Variants in NDUFA11 observed in about 807,000 individuals in gnomAD.
NDUFA11 encodes NADH dehydrogenase [ubiquinone] 1 alpha subcomplex subunit 11.
Under a neutral mutation model 11.3 loss-of-function variants are expected in NDUFA11, and 14 were observed. The ratio of observed to expected loss-of-function variants is 1.24; its 90% CI spans 0.82 to 1.94. The LOEUF is 1.94. NDUFA11 is among the 30% of genes most tolerant of loss of function. The probability of loss-of-function intolerance (pLI) is 0.00; values close to 1 mark genes in which losing one functional copy is unlikely to be tolerated. For synonymous variants in NDUFA11, 87 were observed against 85.6 expected, an observed-to-expected ratio of 1.02 and a Z score of -0.09; for missense variants, 204 against 200.3, an observed-to-expected ratio of 1.02 and a Z score of -0.11.
intron 1 of NDUFA11, among the ~76,000 whole-genome samples, chr19:5,903,036 G>C (rs181957448): frequency 4.6e-3 from 661 of 144,782 alleles, no homozygotes; most frequent in Non-Finnish European, 7.0e-3. Context: ...AAAGGAGAAT[G>C]CCAGGGCTTG....
intron 3 of NDUFA11, 79 bp from the exon 4 acceptor site, chr19:5,894,933 AC>A: frequency 6.8e-7 from 1 of 1,478,984 alleles, no homozygotes; most frequent in Non-Finnish European, 9.1e-7. Context: ...GCCGGTGCCC[AC>A]CCTGGGAGCC....
downstream of NDUFA11, chr19:5,892,777 G>T (rs1275213424): frequency 3.5e-6 from 4 of 1,152,592 alleles, no homozygotes; most frequent in Middle Eastern, 2.1e-4. Context: ...TGCGATGCCC[G>T]TGAGTGGATG....
At chr19:5,894,137 A>AG (rs2144946088), downstream of NDUFA11, among the ~76,000 whole-genome samples, 1 of 152,300 alleles carries the variant, frequency 6.6e-6, no homozygotes, top group East Asian at 1.9e-4. Context: ...CCAGGTGCTG[A>AG]GGGGGGTCCT....
chr19:5,902,873 C>G (rs995882773), intron 1 of NDUFA11, among the ~76,000 whole-genome samples: 1 of 151,924 alleles, frequency 6.6e-6, no homozygotes, highest in South Asian at 2.1e-4. Context: ...TAGCCAGGCG[C>G]GGTGGCGTGA....
intron 3 of NDUFA11, 42 bp from the exon 4 acceptor site, chr19:5,894,896 G>C (rs751169377): frequency 6.4e-7 from 1 of 1,552,870 alleles, no homozygotes; most frequent in East Asian, 2.4e-5. Flanking sequence ...GGTGGGGCTC[G>C]GCCGGACCAA....
downstream of NDUFA11, among the ~76,000 whole-genome samples, chr19:5,894,480 C>CT (rs1428785493): frequency 6.6e-6 from 1 of 152,324 alleles, no homozygotes; most frequent in Non-Finnish European, 1.5e-5. Context: ...GCCGTCTCCC[C>CT]TCCTGGGCTC....
At position 5,894,710 on chromosome 19, in the gene NDUFA11, C is replaced by G; in HGVS notation, c.*32G>C. The G allele has an allele frequency of 1.2e-6, 2 of 1,608,112 alleles. No homozygotes were observed. The highest frequency in any genetic ancestry group is 1.7e-6 in the Non-Finnish European group (2 of 1,177,350). ...CACAGAATTTATTTCTGGACGCATT[C>G]TGCAGGCTGGAGGTCCCGGCAGGCA... On this transcript the variant is annotated 3_prime_UTR_variant, in exon 4 of 4. Transcript: ENST00000308961.
chr19:5,895,299 C>A lies in NDUFA11; in HGVS notation c.314-445G>T, dbSNP rs78396282. On this transcript the variant is annotated intron_variant, in intron 3 of 3. Coordinates refer to ENST00000308961, the MANE Select transcript of NDUFA11 (RefSeq NM_175614.5). ...GCCCCCACTTCTCCAGGCTCTCCTG[C>A]TCCGAAGCCTCCGGGCCAGAGGAGG... 1.8e-3 allele frequency: 317 copies of A among 179,150 alleles called. 9 individuals carry two copies. The East Asian group carries it at 0.042, about 24-fold the overall frequency. The allele number at this position is 179,150 out of a possible 1,614,324, so 11.1% of individuals were successfully genotyped here. A position where few individuals can be genotyped will look rare whatever the true frequency, so the allele number is the denominator to read the frequency against.
chr19:5,903,491 G>A (rs2057658661), intron 1 of NDUFA11, 121 bp downstream of exon 1: 2 of 943,606 alleles, frequency 2.1e-6, no homozygotes, highest in African/African-American at 1.7e-5. Context: ...AAGACACCCC[G>A]ATGACAACCA....
At chr19:5,893,035 C>T, downstream of NDUFA11, 2 of 1,535,352 alleles carry the variant, frequency 1.3e-6, no homozygotes, top group Non-Finnish European at 1.7e-6. The surrounding 1 kb of genome is among the most constrained non-coding windows in gnomAD (Gnocchi z 4.1). Context: ...TCTCAGGGAG[C>T]CCGAGGCCCG....
chr19:5,898,695 G>A (rs2057625482), intron 1 of NDUFA11, among the ~76,000 whole-genome samples: 1 of 151,984 alleles, frequency 6.6e-6, no homozygotes, highest in Admixed American at 6.6e-5. Flanking sequence ...CCGACATGGT[G>A]AAATCCCTTC....
At chr19:5,900,338 C>T (rs1175253815) in intron 1 of NDUFA11, among the ~76,000 whole-genome samples, 1 of 152,228 alleles carries the variant, frequency 6.6e-6, no homozygotes, top group African/African-American at 2.4e-5. Context: ...CAAGGTGCCA[C>T]ATTCACTCAT....
intron 1 of NDUFA11, among the ~76,000 whole-genome samples, chr19:5,903,007 T>C (rs1389429667): frequency 3.4e-5 from 2 of 59,070 alleles, no homozygotes; most frequent in Non-Finnish European, 7.1e-5. Context: ...CAAGGCTCTG[T>C]CTCAAAAAAA....
intron 1 of NDUFA11, among the ~76,000 whole-genome samples, chr19:5,901,971 G>GGTTTTGTTTT (rs911273955): frequency 6.9e-6 from 1 of 145,790 alleles, no homozygotes; most frequent in Non-Finnish European, 1.5e-5. Flanking sequence ...GCGCCCGGCT[G>GGTTTTGTTTT]GTTTTGTTTT....
At chr19:5,901,892 C>T (rs572939526) in intron 1 of NDUFA11, among the ~76,000 whole-genome samples, 11 of 151,948 alleles carry the variant, frequency 7.2e-5, no homozygotes, top group African/African-American at 2.4e-4. Flanking sequence ...AGGATGGTCT[C>T]GATCTCCTGA....
downstream of NDUFA11, chr19:5,893,307 T>C (rs1240557200): frequency 1.0e-5 from 11 of 1,058,234 alleles, no homozygotes; most frequent in Non-Finnish European, 1.5e-5. This position sits in a 1 kb window ranked among gnomAD's most constrained non-coding sequence, Gnocchi z 4.1. Flanking sequence ...AAAATAAAAA[T>C]AAAAACAATT....
downstream of NDUFA11, chr19:5,892,955 A>G: frequency 1.4e-6 from 2 of 1,468,782 alleles, no homozygotes; most frequent in Non-Finnish European, 1.8e-6. Flanking sequence ...TTTAACAATG[A>G]CTCTATTAGG....
downstream of NDUFA11, chr19:5,892,672 A>G: frequency 2.5e-6 from 1 of 405,308 alleles, no homozygotes; most frequent in Non-Finnish European, 4.2e-6. Flanking sequence ...CCTGGGGATG[A>G]CCGCCCGGGT....
chr19:5,903,548 C>G, intron 1 of NDUFA11, 64 bp downstream of exon 1: 1 of 1,462,876 alleles, frequency 6.8e-7, no homozygotes. Context: ...CAAACAGCCC[C>G]CAGTAACCCC....
Sources: allele counts gnomAD v4.1 joint callset (sites outside exome capture counted in the v4.1 genomes callset), GRCh38; gene constraint gnomAD v4.1.1; non-coding constraint Gnocchi (gnomAD v3.1); transcripts MANE v1.5; gene names NCBI Gene and HGNC (gene_info 2026-07-23, HGNC 2026-07-21).